The following SLC8A1 variants were observed in gnomAD, a reference collection of about 807,000 sequenced individuals.
The protein encoded by SLC8A1 is solute carrier family 8 member A1, also known as sodium/calcium exchanger 1.
Under a neutral mutation model 68.3 loss-of-function variants are expected in SLC8A1, and 18 were observed. The observed-to-expected ratio is 0.26, with a 90% confidence interval of 0.18 to 0.39. The LOEUF (loss-of-function observed/expected upper bound fraction) is 0.39. Ranked by LOEUF, SLC8A1 falls within the 10% of genes least tolerant of loss-of-function variation. The pLI, the probability that SLC8A1 is intolerant of heterozygous loss-of-function variation, is 1.00. For synonymous variants in SLC8A1, 475 were observed against 415.5 expected (o/e 1.14, Z -1.74); for missense variants, 985 against 1,156.7 (o/e 0.85, Z 2.15).
At chr2:40,419,924 T>A (rs1428390085) in intron 2 of SLC8A1, among the ~76,000 whole-genome samples, 2 of 152,176 alleles carry the variant, frequency 1.3e-5, no homozygotes, top group Non-Finnish European at 2.9e-5. Context: ...ACCAATAATT[T>A]GCCGGCAAAA....
At position 40,280,983 on chromosome 2, in the gene SLC8A1, T is replaced by G. The variant is rs150705496; in HGVS notation, c.1809-103128A>C. Among the ~76,000 whole-genome samples, 453 of 152,340 alleles carry G rather than the reference T, an allele frequency of 3.0e-3. 2 individuals are homozygous for G. Among genetic ancestry groups the G allele is most frequent in the African/African-American group, 0.01 (427 of 41,578 alleles). On this transcript the variant is annotated intron_variant, in intron 2 of 7. Transcript: ENST00000406785. ...AGAATGAATTTTTATTGCTTATCTT[T>G]CCTGGTGGACTGTAGCCTACTAGAA...
At chr2:40,411,255 A>T (rs1231773228) in intron 2 of SLC8A1, among the ~76,000 whole-genome samples, 1 of 152,096 alleles carries the variant, frequency 6.6e-6, no homozygotes, top group Non-Finnish European at 1.5e-5. Flanking sequence ...AAAGTTAATA[A>T]TAGCTAGCAT....
intron 2 of SLC8A1, among the ~76,000 whole-genome samples, chr2:40,372,453 C>G (rs1344465252): frequency 1.3e-5 from 2 of 152,140 alleles, no homozygotes; most frequent in Non-Finnish European, 2.9e-5. Flanking sequence ...GGAAATCTCA[C>G]TGTCATGCTG....
At chr2:40,313,287 TTATTGCTGAGTAG>T (rs1306262704) in intron 2 of SLC8A1, among the ~76,000 whole-genome samples, 2 of 152,126 alleles carry the variant, frequency 1.3e-5, no homozygotes, top group Non-Finnish European at 2.9e-5. Flanking sequence ...TCATTCCTTT[TTATTGCTGAGTAG>T]TATTGCTGTG....
chr2:40,366,217 T>C (rs533713895), intron 2 of SLC8A1, among the ~76,000 whole-genome samples: 156 of 152,154 alleles, frequency 1.0e-3, no homozygotes, highest in African/African-American at 3.4e-3. Context: ...GAACAACATA[T>C]AGTATGCACT....
intron 2 of SLC8A1, among the ~76,000 whole-genome samples, chr2:40,238,138 T>C (rs1434201647): frequency 6.6e-6 from 1 of 152,340 alleles, no homozygotes; most frequent in African/African-American, 2.4e-5. Context: ...TCCACCCAGT[T>C]CGAGCTTCCC....
At chr2:40,177,737 T>G (rs1228719307) in intron 3 of SLC8A1, 2 of 1,477,638 alleles carry the variant, frequency 1.4e-6, no homozygotes, top group African/African-American at 1.4e-5. Context: ...GGTATGTCTT[T>G]GTTTACTCTC....
Position 40,415,859 on chromosome 2 carries a change from T to TACACACACACAC in SLC8A1, c.1808+12602_1808+12613dup, listed in dbSNP as rs70957173. 3.8e-4 allele frequency among the ~76,000 whole-genome samples: 43 copies of TACACACACACAC among 113,586 alleles called. 1 individual carries two copies. The highest frequency in any genetic ancestry group is 1.0e-3 in the African/African-American group (30 of 29,440). The allele number at this position is 113,586 out of a possible 152,430, so 74.5% of individuals were successfully genotyped here. On this transcript the variant is annotated intron_variant, in intron 2 of 7. Transcript: ENST00000406785. ...TGAAACCCCATCTCTACTAAAAGTA[T>TACACACACACAC]ACACACACACACACACACACACACA...
At chr2:40,198,735 G>A (rs962898878) in intron 2 of SLC8A1, among the ~76,000 whole-genome samples, 1 of 151,836 alleles carries the variant, frequency 6.6e-6, no homozygotes, top group South Asian at 2.1e-4. Context: ...ATGATACTGG[G>A]TAGGTTCCCT....
chr2:40,255,714 T>C (rs2063803627), intron 2 of SLC8A1, among the ~76,000 whole-genome samples: 1 of 152,256 alleles, frequency 6.6e-6, no homozygotes, highest in African/African-American at 2.4e-5. Flanking sequence ...GGGTATCTCC[T>C]CTGCCTTAAT....
chr2:40,174,002 G>T (rs1027079157), intron 4 of SLC8A1, among the ~76,000 whole-genome samples: 5 of 152,150 alleles, frequency 3.3e-5, no homozygotes, highest in African/African-American at 1.2e-4. Flanking sequence ...AACACAGGCT[G>T]AGTACCATTC....
chr2:40,145,841 T>C (rs919789985), intron 6 of SLC8A1, among the ~76,000 whole-genome samples: 7 of 152,242 alleles, frequency 4.6e-5, no homozygotes, highest in African/African-American at 1.7e-4. Flanking sequence ...GAAACTTCTT[T>C]TCTTTCTTTT....
At chr2:40,260,517 T>C (rs2064551641) in intron 2 of SLC8A1, among the ~76,000 whole-genome samples, 2 of 152,180 alleles carry the variant, frequency 1.3e-5, no homozygotes, top group African/African-American at 4.8e-5. Context: ...CTTTGTTTTA[T>C]AAGTCTTCCT....
At chr2:40,286,433 G>T (rs1168266758) in intron 2 of SLC8A1, among the ~76,000 whole-genome samples, 3 of 152,182 alleles carry the variant, frequency 2.0e-5, no homozygotes, top group Non-Finnish European at 2.9e-5. Context: ...ACATGCTTAT[G>T]TTAAGACTAC....
chr2:40,207,211 T>C (rs149276478), intron 2 of SLC8A1, among the ~76,000 whole-genome samples: 3 of 152,216 alleles, frequency 2.0e-5, no homozygotes, highest in African/African-American at 7.2e-5. Context: ...TTAAAGATGA[T>C]GTGACTCCTA....
intron 2 of SLC8A1, among the ~76,000 whole-genome samples, chr2:40,371,588 A>G (rs1386709783): frequency 3.3e-5 from 5 of 152,180 alleles, no homozygotes; most frequent in Non-Finnish European, 5.9e-5. Flanking sequence ...AGCACAATAC[A>G]TAGTCAACTT....
intron 2 of SLC8A1, among the ~76,000 whole-genome samples, chr2:40,258,618 A>G (rs1219180501): frequency 6.6e-6 from 1 of 152,112 alleles, no homozygotes; most frequent in Non-Finnish European, 1.5e-5. Context: ...AAGACAGTGG[A>G]TCACTTGAAG....
intron 5 of SLC8A1, among the ~76,000 whole-genome samples, chr2:40,163,073 T>G (rs1279869868): frequency 6.6e-6 from 1 of 152,164 alleles, no homozygotes; most frequent in Non-Finnish European, 1.5e-5. Flanking sequence ...CTGATGAACT[T>G]TGAAGAGATG....
chr2:40,429,180 T>C (rs1458835855), exon 2 of SLC8A1: 1 of 1,613,628 alleles, frequency 6.2e-7, no homozygotes, highest in Non-Finnish European at 8.5e-7. Context: ...GGCGAGTAGC[T>C]TGAATGCGAT....
Sources: gnomAD v4.1 joint callset for allele counts (sites outside exome capture counted in the v4.1 genomes callset) on GRCh38, gnomAD v4.1.1 for gene constraint, MANE v1.5 for transcripts, NCBI Gene and HGNC (gene_info 2026-07-23, HGNC 2026-07-21) for gene names.